SLC14A2: variants seen among roughly 807,000 people sequenced by gnomAD.
The protein encoded by SLC14A2 is solute carrier family 14 member 2, also known as urea transporter 2.
A neutral mutation model predicts 104.6 loss-of-function variants in SLC14A2; 91 were observed. The ratio of observed to expected loss-of-function variants is 0.87; its 90% confidence interval spans 0.73 to 1.04. The LOEUF (loss-of-function observed/expected upper bound fraction) is 1.04. Ranked by LOEUF, SLC14A2 falls within the 50% of genes least tolerant of loss-of-function variation. The pLI is 0.00. For synonymous variants in SLC14A2, 476 were observed against 466.4 expected, an observed-to-expected ratio of 1.02 and a Z score of -0.27; for missense variants, 1,189 against 1,156.0, an observed-to-expected ratio of 1.03 and a Z score of -0.41.
intron 1 of SLC14A2, among the ~76,000 whole-genome samples, chr18:45,447,780 T>A (rs911884436): frequency 3.9e-5 from 6 of 152,218 alleles, no homozygotes; most frequent in Admixed American, 3.3e-4. Context: ...AATGGAGCCT[T>A]TATACCAGAT....
At chr18:45,614,869 C>A (rs1398579280), upstream of SLC14A2, 1 of 145,486 alleles carries the variant, frequency 6.9e-6, no homozygotes, top group Non-Finnish European at 1.5e-5. Context: ...ACTATCTTGG[C>A]TCACTGCAAC....
At chr18:45,276,999 G>A (rs2084709570) in intron 1 of SLC14A2, among the ~76,000 whole-genome samples, 1 of 152,110 alleles carries the variant, frequency 6.6e-6, no homozygotes, top group South Asian at 2.1e-4. Flanking sequence ...TCTCCTATTA[G>A]TTAAAATTGT....
intron 1 of SLC14A2, among the ~76,000 whole-genome samples, chr18:45,372,727 A>G (rs566129221): frequency 3.3e-5 from 5 of 152,360 alleles, no homozygotes; most frequent in Admixed American, 3.3e-4. Flanking sequence ...TAAGGTAGCC[A>G]GGATCTAAAC....
At chr18:45,345,038 C>T (rs1481896617) in intron 1 of SLC14A2, among the ~76,000 whole-genome samples, 1 of 152,166 alleles carries the variant, frequency 6.6e-6, no homozygotes, top group Non-Finnish European at 1.5e-5. Context: ...GCAGTATGAT[C>T]CATGATAGCC....
intron 2 of SLC14A2, among the ~76,000 whole-genome samples, chr18:45,587,031 AGGCT>A (rs1187561658): frequency 6.6e-6 from 1 of 152,170 alleles, no homozygotes; most frequent in Non-Finnish European, 1.5e-5. Flanking sequence ...TCAGTCACCC[AGGCT>A]GGAGTGTAGT....
At chr18:45,471,890 T>TTA (rs1272120518) in intron 1 of SLC14A2, among the ~76,000 whole-genome samples, 2 of 151,200 alleles carry the variant, frequency 1.3e-5, no homozygotes, top group East Asian at 3.9e-4. Context: ...TAGTTTTTTT[T>TTA]ATTATACTTT....
Position 45,344,735 on chromosome 18 carries a change from T to C in SLC14A2, c.-125+131544T>C, listed in dbSNP as rs1312033163. On this transcript the variant is annotated intron_variant, in intron 1 of 20. Coordinates refer to the SLC14A2 transcript ENST00000586448. ...AAATCAAAAGATGAACCATTAAGCC[T>C]AGTAATAGGAAAGTGGTGTGCGTCA... Among the ~76,000 whole-genome samples the C allele has an allele frequency of 2.6e-5, 4 of 152,160 alleles. No individual in the cohort carries two copies. In the East Asian group the frequency reaches 7.7e-4, roughly 29 times the overall value.
At chr18:45,478,157 A>G (rs1264030525) in intron 1 of SLC14A2, among the ~76,000 whole-genome samples, 1 of 152,230 alleles carries the variant, frequency 6.6e-6, no homozygotes, top group African/African-American at 2.4e-5. Flanking sequence ...TGCAAAGACC[A>G]TGGGAAAAGA....
At chr18:45,279,686 C>A (rs1568132835) in intron 1 of SLC14A2, among the ~76,000 whole-genome samples, 1 of 152,038 alleles carries the variant, frequency 6.6e-6, no homozygotes, top group Non-Finnish European at 1.5e-5. Flanking sequence ...ACTTTTGAGG[C>A]TTTTTATTGT....
chr18:45,674,076 G>A (rs1442396361), intron 18 of SLC14A2, among the ~76,000 whole-genome samples: 1 of 151,872 alleles, frequency 6.6e-6, no homozygotes, highest in Non-Finnish European at 1.5e-5. Flanking sequence ...CGTTACATAT[G>A]GAATTGGGTG....
chr18:45,414,757 A>AAATATATATAT (rs1360051908), intron 1 of SLC14A2, among the ~76,000 whole-genome samples: 32 of 76,072 alleles, frequency 4.2e-4, no homozygotes, highest in Admixed American at 2.1e-3. Flanking sequence ...AAAAAAAAAA[A>AAATATATATAT]ATATATATAT....
intron 2 of SLC14A2, among the ~76,000 whole-genome samples, chr18:45,543,748 T>A (rs897223788): frequency 3.3e-5 from 5 of 152,246 alleles, no homozygotes; most frequent in Non-Finnish European, 7.3e-5. Flanking sequence ...CTGCTATCCC[T>A]ACAAAAGCCT....
chr18:45,357,862 CAG>C (rs2085571377), intron 1 of SLC14A2, among the ~76,000 whole-genome samples: 1 of 152,170 alleles, frequency 6.6e-6, no homozygotes. Context: ...CTCTGAAGCA[CAG>C]AGTTTTTGGT....
intron 1 of SLC14A2, among the ~76,000 whole-genome samples, chr18:45,482,331 A>G (rs763479619): frequency 6.6e-5 from 10 of 152,222 alleles, no homozygotes; most frequent in Non-Finnish European, 1.0e-4. Flanking sequence ...TGTGATTTGT[A>G]TCAGTTATCT....
At chr18:45,504,242 G>A (rs1015090117) in intron 2 of SLC14A2, among the ~76,000 whole-genome samples, 1 of 152,176 alleles carries the variant, frequency 6.6e-6, no homozygotes, top group Non-Finnish European at 1.5e-5. Context: ...AGCTGGAAAA[G>A]GGAGGGCTCT....
intron 2 of SLC14A2, among the ~76,000 whole-genome samples, chr18:45,540,674 A>G (rs2705393): frequency 0.21 from 31,891 of 151,942 alleles, 3,357 homozygotes; most frequent in African/African-American, 0.22. Context: ...GAATCTGGGA[A>G]GTGGAGTTTG....
intron 1 of SLC14A2, among the ~76,000 whole-genome samples, chr18:45,441,733 G>A (rs2086685342): frequency 6.6e-6 from 1 of 152,182 alleles, no homozygotes; most frequent in Non-Finnish European, 1.5e-5. Flanking sequence ...GTTTAATCTT[G>A]GCTTTCCTTC....
At chr18:45,215,947 T>C (rs1363144719) in intron 1 of SLC14A2, among the ~76,000 whole-genome samples, 1 of 152,218 alleles carries the variant, frequency 6.6e-6, no homozygotes, top group Admixed American at 6.5e-5. Context: ...CTTCATACAG[T>C]GTACATTTAG....
chr18:45,467,136 T>C (rs1435887658), intron 1 of SLC14A2, among the ~76,000 whole-genome samples: 1 of 152,138 alleles, frequency 6.6e-6, no homozygotes, highest in Non-Finnish European at 1.5e-5. Context: ...GGACTTGTGA[T>C]GGGAGAAGTC....
Sources: allele counts gnomAD v4.1 joint callset (sites outside exome capture counted in the v4.1 genomes callset), GRCh38; gene constraint gnomAD v4.1.1; transcripts MANE v1.5; gene names NCBI Gene and HGNC (gene_info 2026-07-23, HGNC 2026-07-21).